TGFBR3: variants seen among roughly 807,000 people sequenced by gnomAD.
TGFBR3 encodes transforming growth factor beta receptor 3, also known as transforming growth factor beta receptor type 3.
TGFBR3 carries 46 observed loss-of-function variants against 87.9 expected under a neutral mutation model. The observed-to-expected ratio is 0.52, with a 90% CI of 0.41 to 0.67. TGFBR3 has a LOEUF of 0.67. Among genes scored for constraint, TGFBR3 ranks in the 30% least tolerant of loss-of-function variants. TGFBR3 has a pLI of 0.00. For missense variants in TGFBR3, 866 were observed against 1,041.9 expected, an observed-to-expected ratio of 0.83 and a Z score of 2.32; for synonymous variants, 381 against 391.6, an observed-to-expected ratio of 0.97 and a Z score of 0.32.
intron 2 of TGFBR3, among the ~76,000 whole-genome samples, chr1:91,833,266 A>G (rs1230902832): frequency 1.6e-5 from 2 of 126,850 alleles, no homozygotes; most frequent in Non-Finnish European, 3.1e-5. Flanking sequence ...ATTGCACTCC[A>G]GCCCAGGCGA....
upstream of TGFBR3, among the ~76,000 whole-genome samples, chr1:91,889,951 C>T (rs1419400286): frequency 3.3e-5 from 5 of 152,114 alleles, no homozygotes; most frequent in Admixed American, 6.5e-5. Context: ...CGTGAGCTGC[C>T]GTGCCCAGTT....
intron 2 of TGFBR3, among the ~76,000 whole-genome samples, chr1:91,801,938 A>C (rs966719830): frequency 6.6e-6 from 1 of 152,206 alleles, no homozygotes; most frequent in South Asian, 2.1e-4. Context: ...CAAGGGGTAC[A>C]GAATGTACAA....
intron 2 of TGFBR3, among the ~76,000 whole-genome samples, chr1:91,893,378 G>A (rs771931899): frequency 7.2e-5 from 11 of 151,846 alleles, no homozygotes; most frequent in Admixed American, 2.0e-4. Context: ...TTCACCTCCC[G>A]GGTTCAAGCA....
chr1:91,715,288 C>T (rs1358064954), intron 12 of TGFBR3, among the ~76,000 whole-genome samples: 16 of 152,188 alleles, frequency 1.1e-4, no homozygotes, highest in Admixed American at 2.6e-4. Flanking sequence ...ATTGATAAGA[C>T]GTTATGTTTT....
chr1:91,842,802 T>A (rs1461047551), intron 2 of TGFBR3, among the ~76,000 whole-genome samples: 1 of 152,158 alleles, frequency 6.6e-6, no homozygotes, highest in African/African-American at 2.4e-5. Context: ...CCTCATCAAA[T>A]CAAAGGAATA....
Position 91,722,117 on chromosome 1 carries a change from CT to C in TGFBR3, c.912del (p.Glu305ArgfsTer6), listed in dbSNP as rs1178358508. On this transcript the variant is annotated frameshift_variant, in exon 8 of 17. Coordinates refer to ENST00000212355, the MANE Select transcript of TGFBR3 (RefSeq NM_003243.5). LOFTEE classifies it high-confidence loss of function. ...IIAPNSIGFG[K>X]ESERSMTMTK... ...GTCATTGTCATAGATCTTTCACTCTCTTTTCCAAAGCCAATACTGTTAGGAG... is the reference window on the plus strand; with the variant it reads ...GTCATTGTCATAGATCTTTCACTCTCTTTCCAAAGCCAATACTGTTAGGAG... 5.0e-6 allele frequency: 8 copies of C among 1,613,806 alleles called. No homozygotes were observed. The highest frequency in any genetic ancestry group is 6.8e-6 in the Non-Finnish European group (8 of 1,179,892).
intron 1 of TGFBR3, among the ~76,000 whole-genome samples, chr1:91,873,950 A>C (rs79636047): frequency 6.7e-5 from 9 of 133,842 alleles, no homozygotes; most frequent in Non-Finnish European, 8.1e-5. Flanking sequence ...ACCCTGCCAC[A>C]AAAAAAAAAA....
intron 14 of TGFBR3, among the ~76,000 whole-genome samples, chr1:91,707,630 C>G (rs879726495): frequency 6.6e-6 from 1 of 152,242 alleles, no homozygotes; most frequent in Non-Finnish European, 1.5e-5. Context: ...CCTTGGTGCC[C>G]AGGCTCCTCT....
At chr1:91,844,725 C>T (rs977725125) in intron 2 of TGFBR3, among the ~76,000 whole-genome samples, 7 of 152,158 alleles carry the variant, frequency 4.6e-5, no homozygotes, top group Non-Finnish European at 2.9e-5. Context: ...TATCTCACAA[C>T]CTAACTGGGA....
chr1:91,704,338 AAAAAAG>A (rs1181999499), intron 14 of TGFBR3, among the ~76,000 whole-genome samples: 215 of 151,976 alleles, frequency 1.4e-3, no homozygotes, highest in African/African-American at 2.8e-3. Context: ...AAAAAAAAAA[AAAAAAG>A]AAAGAAAGAA....
chr1:91,871,386 G>T (rs1678577452), intron 1 of TGFBR3, among the ~76,000 whole-genome samples: 1 of 152,148 alleles, frequency 6.6e-6, no homozygotes, highest in South Asian at 2.1e-4. Context: ...ACATTTATTA[G>T]CGCCTACCCT....
chr1:91,687,414 G>A (rs1342541619), intron 16 of TGFBR3, among the ~76,000 whole-genome samples: 1 of 152,202 alleles, frequency 6.6e-6, no homozygotes, highest in East Asian at 1.9e-4. Flanking sequence ...TCTTTAGCAT[G>A]GCATGGAGTT....
chr1:91,698,337 T>C (rs1261629773), intron 14 of TGFBR3, among the ~76,000 whole-genome samples: 1 of 152,146 alleles, frequency 6.6e-6, no homozygotes, highest in Non-Finnish European at 1.5e-5. Context: ...ATCAGTTGCA[T>C]AGGCTCTCCA....
At chr1:91,757,079 C>T (rs1220105874) in intron 4 of TGFBR3, among the ~76,000 whole-genome samples, 4 of 152,136 alleles carry the variant, frequency 2.6e-5, no homozygotes, top group African/African-American at 9.7e-5. Context: ...GCAGCTGCCC[C>T]ACTCCCTACC....
In TGFBR3 at chr1:91,802,399, C is replaced by T. The variant is rs367997110; in HGVS notation, c.62-4928G>A. ...TTTTTTTGAGACAGTCTCGCTCTGT[C>T]GTCCAGGCGAGAGGGCAGTGACGCG... On this transcript the variant is annotated intron_variant, in intron 2 of 16. Coordinates refer to ENST00000212355, the MANE Select transcript of TGFBR3 (RefSeq NM_003243.5). Among the ~76,000 whole-genome samples the T allele has an allele frequency of 4.4e-4, 67 of 151,190 alleles. 1 individual carries two copies. In the South Asian group the frequency reaches 0.012, roughly 27 times the overall value.
intron 4 of TGFBR3, among the ~76,000 whole-genome samples, chr1:91,745,583 T>C (rs1215754102): frequency 6.6e-6 from 1 of 152,162 alleles, no homozygotes; most frequent in Non-Finnish European, 1.5e-5. Flanking sequence ...AAAACAAACA[T>C]ACTGGAACAG....
intron 2 of TGFBR3, 135 bp downstream of exon 2, chr1:91,861,336 C>T: frequency 1.1e-5 from 8 of 714,756 alleles, no homozygotes; most frequent in South Asian, 9.0e-5. Context: ...GGAGGTAGAG[C>T]CTACAGTAAG....
intron 10 of TGFBR3, among the ~76,000 whole-genome samples, chr1:91,718,600 T>C (rs1672257459): frequency 6.6e-6 from 1 of 152,218 alleles, no homozygotes; most frequent in Non-Finnish European, 1.5e-5. Flanking sequence ...TTTTAAATTC[T>C]TTTAATATTC....
intron 2 of TGFBR3, among the ~76,000 whole-genome samples, chr1:91,838,370 T>C (rs1416548959): frequency 1.3e-5 from 2 of 151,800 alleles, no homozygotes; most frequent in Non-Finnish European, 2.9e-5. Flanking sequence ...AACTGTAACA[T>C]AAACAGTATC....
Sources: allele counts gnomAD v4.1 joint callset (sites outside exome capture counted in the v4.1 genomes callset), GRCh38; gene constraint gnomAD v4.1.1; transcripts MANE v1.5; gene names NCBI Gene and HGNC (gene_info 2026-07-23, HGNC 2026-07-21).